FLI1: variants seen among roughly 807,000 people sequenced by gnomAD.
FLI1 encodes Friend leukemia integration 1 transcription factor.
A neutral mutation model predicts 53.1 loss-of-function variants in FLI1; 13 were observed. The ratio of observed to expected loss-of-function variants is 0.24; its 90% CI spans 0.16 to 0.39. FLI1 has a LOEUF of 0.39. FLI1 is among the 10% of genes least tolerant of loss of function. The probability of loss-of-function intolerance (pLI) is 1.00; values close to 1 mark genes in which losing one functional copy is unlikely to be tolerated. For missense variants in FLI1, 424 were observed against 600.5 expected, an observed-to-expected ratio of 0.71 and a Z score of 3.07; for synonymous variants, 244 against 236.7, an observed-to-expected ratio of 1.03 and a Z score of -0.28.
chr11:128,776,184 G>A (rs564124737), intron 4 of FLI1, among the ~76,000 whole-genome samples: 1 of 152,322 alleles, frequency 6.6e-6, no homozygotes, highest in South Asian at 2.1e-4. Context: ...TACAGACCCT[G>A]TCTGATGGCC....
chr11:128,741,596 C>A (rs1217023414), intron 1 of FLI1, among the ~76,000 whole-genome samples: 5 of 152,154 alleles, frequency 3.3e-5, no homozygotes, highest in Non-Finnish European at 7.4e-5. Context: ...CACAGTCAAG[C>A]CTTTGTGTCC....
chr11:128,714,584 C>G (rs1327833148), intron 1 of FLI1, among the ~76,000 whole-genome samples: 1 of 151,992 alleles, frequency 6.6e-6, no homozygotes, highest in Non-Finnish European at 1.5e-5. Context: ...TTCCCTTTAC[C>G]TCATTATTAC....
chr11:128,763,867 G>A (rs1297409769), intron 2 of FLI1, among the ~76,000 whole-genome samples: 2 of 152,150 alleles, frequency 1.3e-5, no homozygotes, highest in East Asian at 3.8e-4. Flanking sequence ...TCTTTTCTTG[G>A]AATTTGCTTT....
At chr11:128,728,427 C>T (rs1042740733) in intron 1 of FLI1, among the ~76,000 whole-genome samples, 1 of 152,282 alleles carries the variant, frequency 6.6e-6, no homozygotes, top group African/African-American at 2.4e-5. Flanking sequence ...AGCTGTGTCA[C>T]CTCTGGAGCT....
At chr11:128,737,645 G>A (rs1306806962) in intron 1 of FLI1, among the ~76,000 whole-genome samples, 1 of 152,172 alleles carries the variant, frequency 6.6e-6, no homozygotes, top group Non-Finnish European at 1.5e-5. Flanking sequence ...TTGCCTCAGG[G>A]TACCCCATAA....
intron 1 of FLI1, among the ~76,000 whole-genome samples, chr11:128,751,578 G>A (rs1940647199): frequency 1.3e-5 from 2 of 151,890 alleles, no homozygotes; most frequent in Non-Finnish European, 2.9e-5. Context: ...CCAGGCTGAA[G>A]TGCAGTGGTG....
At chr11:128,780,828 A>C (rs1941892676) in intron 4 of FLI1, among the ~76,000 whole-genome samples, 1 of 152,222 alleles carries the variant, frequency 6.6e-6, no homozygotes, top group Non-Finnish European at 1.5e-5. Context: ...GTTGTTTAGA[A>C]GAATTTTCTT....
At chr11:128,793,583 C>G (rs1942342700) in intron 5 of FLI1, among the ~76,000 whole-genome samples, 1 of 152,222 alleles carries the variant, frequency 6.6e-6, no homozygotes, top group Non-Finnish European at 1.5e-5. Context: ...ACCCCTGTGC[C>G]AGAAGGCTCC....
intron 1 of FLI1, among the ~76,000 whole-genome samples, chr11:128,743,512 C>A (rs767891592): frequency 6.6e-6 from 1 of 151,650 alleles, no homozygotes; most frequent in South Asian, 2.1e-4. Flanking sequence ...ATTTTTGAGG[C>A]GGTTTGGGAC....
chr11:128,781,285 C>T (rs1450946204), intron 4 of FLI1, among the ~76,000 whole-genome samples: 1 of 152,168 alleles, frequency 6.6e-6, no homozygotes, highest in African/African-American at 2.4e-5. Context: ...TGTACCTTAC[C>T]CTCACCTGTG....
At chr11:128,693,250 C>T (rs1394248783), upstream of FLI1, 1 of 152,234 alleles carries the variant, frequency 6.6e-6, no homozygotes, top group African/African-American at 2.4e-5. Context: ...GCGCGCCGCC[C>T]CGAGGGGCCC....
intron 1 of FLI1, among the ~76,000 whole-genome samples, chr11:128,732,028 AG>A (rs1267466448): frequency 4.6e-5 from 7 of 152,136 alleles, no homozygotes; most frequent in Non-Finnish European, 7.4e-5. Context: ...AGAAAAGAAA[AG>A]AAACAAAAAT....
chr11:128,751,859 T>A (rs1940662346), intron 1 of FLI1, among the ~76,000 whole-genome samples: 1 of 150,310 alleles, frequency 6.7e-6, no homozygotes, highest in African/African-American at 2.5e-5. Flanking sequence ...GAAAGAGTTA[T>A]GCCACGTTAC....
chr11:128,725,760 A>T (rs1246167517), intron 1 of FLI1, among the ~76,000 whole-genome samples: 1 of 151,892 alleles, frequency 6.6e-6, no homozygotes, highest in African/African-American at 2.4e-5. Context: ...GGAAAAAAAA[A>T]CCCAAACCAC....
intron 5 of FLI1, among the ~76,000 whole-genome samples, chr11:128,795,216 A>G (rs1396149125): frequency 6.6e-6 from 1 of 152,120 alleles, no homozygotes; most frequent in Non-Finnish European, 1.5e-5. Flanking sequence ...ACTCTTCAAA[A>G]CCCGATTCAA....
At position 128,812,310 on chromosome 11, in the gene FLI1, T is replaced by C. The variant is rs1942956443; in HGVS notation, c.*1322T>C. ...TTAGACATTAAAATATATATAATTT[T>C]GCAGGTAATTGTTGACTTTTTTAAC... On this transcript the variant is annotated 3_prime_UTR_variant, in exon 9 of 9. Coordinates refer to ENST00000527786, the MANE Select transcript of FLI1 (RefSeq NM_002017.5). The C allele has an allele frequency of 4.6e-6, 1 of 219,086 alleles. No individual in the cohort carries two copies. Among genetic ancestry groups the C allele is most frequent in the South Asian group, 1.8e-4 (1 of 5,412 alleles). 13.6% of individuals were successfully genotyped at this position (219,086 alleles called of 1,614,324 possible).
At chr11:128,735,030 C>T (rs1001761610) in intron 1 of FLI1, among the ~76,000 whole-genome samples, 11 of 152,312 alleles carry the variant, frequency 7.2e-5, no homozygotes, top group Admixed American at 2.6e-4. Flanking sequence ...TTCCCCTTCC[C>T]GCTTTATGAC....
intron 3 of FLI1, among the ~76,000 whole-genome samples, chr11:128,772,066 AC>A (rs1941584309): frequency 2.0e-5 from 3 of 149,492 alleles, no homozygotes; most frequent in African/African-American, 7.6e-5. Context: ...ACACACACAC[AC>A]ACACACACAC....
At chr11:128,785,874 A>G (rs2135873072) in intron 5 of FLI1, among the ~76,000 whole-genome samples, 1 of 152,348 alleles carries the variant, frequency 6.6e-6, no homozygotes, top group Non-Finnish European at 1.5e-5. Flanking sequence ...TTAATGGGTA[A>G]GAGTTTCAAT....
Sources: gnomAD v4.1 joint callset for allele counts (sites outside exome capture counted in the v4.1 genomes callset) on GRCh38, gnomAD v4.1.1 for gene constraint, MANE v1.5 for transcripts, NCBI Gene and HGNC (gene_info 2026-07-23, HGNC 2026-07-21) for gene names.